Variants in JMJD1C observed in about 807,000 individuals in gnomAD.
JMJD1C encodes the protein jumonji domain containing 1C.
JMJD1C carries 31 observed loss-of-function variants against 245.3 expected under a neutral mutation model. That is an observed-to-expected ratio of 0.13 (90% CI 0.09 to 0.17). The LOEUF is 0.17. Ranked by LOEUF, JMJD1C falls within the 10% of genes least tolerant of loss-of-function variation. JMJD1C has a pLI of 1.00. For synonymous variants in JMJD1C, 1,057 were observed against 1,017.4 expected (o/e 1.04, Z -0.74); for missense variants, 2,691 against 3,000.2 (o/e 0.90, Z 2.41).
At chr10:63,242,432 A>G (rs775751483) in intron 3 of JMJD1C, among the ~76,000 whole-genome samples, 1 of 152,312 alleles carries the variant, frequency 6.6e-6, no homozygotes, top group Non-Finnish European at 1.5e-5. Flanking sequence ...GGATACATGA[A>G]AAAAGCAGGC....
chr10:63,406,614 A>C (rs1005487506), intron 1 of JMJD1C, among the ~76,000 whole-genome samples: 2 of 142,264 alleles, frequency 1.4e-5, no homozygotes, highest in Non-Finnish European at 3.2e-5. Flanking sequence ...GGCTAGTATA[A>C]CTAATCCAAC....
intron 1 of JMJD1C, among the ~76,000 whole-genome samples, chr10:63,512,168 G>C (rs978730865): frequency 6.6e-6 from 1 of 152,012 alleles, no homozygotes; most frequent in Non-Finnish European, 1.5e-5. Flanking sequence ...AAGCATAATC[G>C]AATACATGGT....
chr10:63,466,036 G>A, upstream of JMJD1C: 2 of 240,572 alleles, frequency 8.3e-6, no homozygotes, highest in Non-Finnish European at 1.6e-5. Context: ...CGCCGGCGCG[G>A]GCGGGGCAGC....
chr10:63,314,039 A>G (rs927356827), intron 2 of JMJD1C, among the ~76,000 whole-genome samples: 7 of 152,186 alleles, frequency 4.6e-5, no homozygotes, highest in African/African-American at 1.7e-4. Flanking sequence ...ATCCTCTAGA[A>G]TTGTTAGTTT....
At chr10:63,508,161 T>C (rs1241175084) in intron 1 of JMJD1C, among the ~76,000 whole-genome samples, 1 of 152,234 alleles carries the variant, frequency 6.6e-6, no homozygotes, top group East Asian at 1.9e-4. Flanking sequence ...ATCTGCCTGG[T>C]GTAAGGTCTG....
chr10:63,224,898 C>T (rs1270982385), intron 3 of JMJD1C, among the ~76,000 whole-genome samples: 1 of 151,898 alleles, frequency 6.6e-6, no homozygotes, highest in Non-Finnish European at 1.5e-5. Flanking sequence ...CCCATCTCTA[C>T]TAAAAATACA....
At chr10:63,351,775 T>C (rs1944382925) in intron 2 of JMJD1C, among the ~76,000 whole-genome samples, 1 of 152,172 alleles carries the variant, frequency 6.6e-6, no homozygotes, top group Admixed American at 6.5e-5. Flanking sequence ...CAAGGAAAGC[T>C]AGGTTAGCAC....
At chr10:63,276,884 C>CTATTTT (rs1856826327) in intron 2 of JMJD1C, among the ~76,000 whole-genome samples, 1 of 96,254 alleles carries the variant, frequency 1.0e-5, no homozygotes, top group African/African-American at 4.3e-5. Flanking sequence ...AAGCTTGGGG[C>CTATTTT]TTTTTTTTTT....
chr10:63,452,005 G>A (rs1952099382), intron 1 of JMJD1C, among the ~76,000 whole-genome samples: 1 of 152,080 alleles, frequency 6.6e-6, no homozygotes, highest in African/African-American at 2.4e-5. Context: ...AATGAAGACA[G>A]GAAAGCTTCA....
chr10:63,309,770 A>G (rs1938889469), intron 2 of JMJD1C, among the ~76,000 whole-genome samples: 1 of 152,114 alleles, frequency 6.6e-6, no homozygotes, highest in African/African-American at 2.4e-5. Context: ...TTCAAAAATT[A>G]GCTGGGTGTG....
intron 1 of JMJD1C, among the ~76,000 whole-genome samples, chr10:63,393,582 C>A (rs1008453722): frequency 6.6e-6 from 1 of 152,132 alleles, no homozygotes; most frequent in Non-Finnish European, 1.5e-5. Flanking sequence ...GGGATACCTG[C>A]ACCCCCATTT....
intron 1 of JMJD1C, among the ~76,000 whole-genome samples, chr10:63,518,465 TAAAG>T (rs1490547224): frequency 6.6e-6 from 1 of 152,188 alleles, no homozygotes; most frequent in African/African-American, 2.4e-5. Flanking sequence ...CTAGAAGACT[TAAAG>T]AAGTAACTAG....
chr10:63,213,868 C>T lies in JMJD1C; in HGVS notation c.2299G>A (p.Gly767Arg), dbSNP rs375070965. Residue 767 changes from glycine to arginine, a missense_variant, in exon 8 of 26, where the codon GGA (glycine) becomes AGA (arginine). Transcript: ENST00000399262. ...ALTPAPHLLAGSSSQTPLPTI... is the reference protein window; with the variant it reads ...ALTPAPHLLARSSSQTPLPTI... ...GGTAATGGAGTTTGACTAGATGATC[C>T]GGCTAGTAAATGGGGTGCAGGAGTT... 4.3e-5 allele frequency: 70 copies of T among 1,613,840 alleles called. No individual in the cohort carries two copies. Among genetic ancestry groups the T allele is most frequent in the Middle Eastern group, 1.6e-4 (1 of 6,084 alleles).
chr10:63,250,698 A>G (rs1426123757), intron 3 of JMJD1C, among the ~76,000 whole-genome samples: 2 of 152,208 alleles, frequency 1.3e-5, no homozygotes, highest in Non-Finnish European at 2.9e-5. Context: ...AGAAACAGTT[A>G]GAAACTCATC....
At position 63,484,740 on chromosome 10, in the gene JMJD1C, TATA is replaced by T. The variant is rs557556358; in HGVS notation, n.113+36995_113+36997del. 5.5e-4 allele frequency among the ~76,000 whole-genome samples: 83 copies of T among 152,262 alleles called. No individual in the cohort carries two copies. The East Asian group carries it at 0.015, about 27-fold the overall frequency. On this transcript the variant is annotated intron_variant and non_coding_transcript_variant, in intron 1 of 3. Transcript: ENST00000633035. ...ATTTATATATCTATCTAAAATTGAT[TATA>T]ATAAGTACTGTACATTTAATTTCTA...
intron 2 of JMJD1C, among the ~76,000 whole-genome samples, chr10:63,378,943 G>A (rs1029966457): frequency 2.0e-5 from 3 of 151,892 alleles, no homozygotes; most frequent in Admixed American, 1.3e-4. Context: ...TGAAACTGCA[G>A]GTCACAGACA....
chr10:63,343,141 C>T (rs546185256), intron 2 of JMJD1C, among the ~76,000 whole-genome samples: 8 of 152,100 alleles, frequency 5.3e-5, no homozygotes, highest in African/African-American at 1.9e-4. Context: ...ATAGGCAGAC[C>T]GCTTGAGCTC....
At chr10:63,198,901 C>T (rs768949141) in intron 11 of JMJD1C, among the ~76,000 whole-genome samples, 174 bp from the exon 12 acceptor site, 19 of 152,024 alleles carry the variant, frequency 1.2e-4, no homozygotes, top group Non-Finnish European at 2.4e-4. Flanking sequence ...ATTTAAATAA[C>T]TCAGGTGTTA....
intron 2 of JMJD1C, among the ~76,000 whole-genome samples, chr10:63,295,959 A>ATGCG (rs1859341085): frequency 1.1e-5 from 1 of 89,860 alleles, no homozygotes; most frequent in African/African-American, 4.4e-5. Context: ...ATACACGTAT[A>ATGCG]TGTGTGTGTG....
Sources: gnomAD v4.1 joint callset for allele counts (sites outside exome capture counted in the v4.1 genomes callset) on GRCh38, gnomAD v4.1.1 for gene constraint, MANE v1.5 for transcripts, NCBI Gene and HGNC (gene_info 2026-07-23, HGNC 2026-07-21) for gene names.